Variants in TRPM3 observed in about 807,000 individuals in gnomAD.
TRPM3 encodes transient receptor potential cation channel subfamily M member 3, also known as long transient receptor potential channel 3.
TRPM3 carries 77 observed loss-of-function variants against 181.2 expected under a neutral mutation model. The observed-to-expected ratio is 0.42, with a 90% CI of 0.35 to 0.51. The LOEUF is 0.51. Among genes scored for constraint, TRPM3 ranks in the 20% least tolerant of loss-of-function variants. The pLI, the probability that TRPM3 is intolerant of heterozygous loss-of-function variation, is 0.01. For missense variants in TRPM3, 1,759 were observed against 2,196.7 expected (o/e 0.80, Z 3.98); for synonymous variants, 745 against 796.4 (o/e 0.94, Z 1.09).
intron 1 of TRPM3, among the ~76,000 whole-genome samples, chr9:71,039,275 G>A (rs537743432): frequency 6.6e-6 from 1 of 152,224 alleles, no homozygotes; most frequent in Non-Finnish European, 1.5e-5. Flanking sequence ...TTTCTCATGT[G>A]CAGAATCAAG....
intron 1 of TRPM3, among the ~76,000 whole-genome samples, chr9:71,070,079 A>G (rs1479302825): frequency 6.6e-6 from 1 of 152,204 alleles, no homozygotes; most frequent in Non-Finnish European, 1.5e-5. Context: ...ATTTCACTAG[A>G]ACAGTTGCCA....
intron 1 of TRPM3, among the ~76,000 whole-genome samples, chr9:71,029,870 G>T (rs1369239736): frequency 6.6e-6 from 1 of 152,164 alleles, no homozygotes; most frequent in Non-Finnish European, 1.5e-5. Flanking sequence ...AGGAGAATTA[G>T]GGCAATGACA....
Position 70,535,675 on chromosome 9 carries a change from C to T in TRPM3, c.*278G>A. 1 of 1,440,668 alleles carries T rather than the reference C, an allele frequency of 6.9e-7. No individual in the cohort carries two copies. 89.2% of individuals were successfully genotyped at this position (1,440,668 alleles called of 1,614,324 possible). A position where few individuals can be genotyped will look rare whatever the true frequency, so the allele number is the denominator to read the frequency against. Reference sequence around the variant, plus strand: ...TGGCTTTCTGCTGTGACTGCGGATACACATTCATCTCTAACCCTTCCTTCT... The same window carrying T: ...TGGCTTTCTGCTGTGACTGCGGATATACATTCATCTCTAACCCTTCCTTCT... On this transcript the variant is annotated 3_prime_UTR_variant, in exon 26 of 26. Coordinates refer to ENST00000677713, the MANE Select transcript of TRPM3 (RefSeq NM_001366145.2).
In TRPM3 at chr9:70,688,738, C is replaced by T. The variant is rs142782814; in HGVS notation, c.1273-7160G>A. 3.3e-5 allele frequency among the ~76,000 whole-genome samples: 5 copies of T among 152,210 alleles called. No individual in the cohort carries two copies. The East Asian group carries it at 9.7e-4, about 29-fold the overall frequency. ...CCTTGCTGAAATACCCTTCCCTCTG[C>T]TTGGTGAACAAACTAGAAGACTTTC... On this transcript the variant is annotated intron_variant, in intron 8 of 25. Coordinates refer to ENST00000677713, the MANE Select transcript of TRPM3 (RefSeq NM_001366145.2).
chr9:71,091,466 G>A (rs1401635160), intron 1 of TRPM3, among the ~76,000 whole-genome samples: 4 of 152,062 alleles, frequency 2.6e-5, no homozygotes, highest in Non-Finnish European at 4.4e-5. Context: ...TGGCTGTTTG[G>A]ATTTGCCATG....
At chr9:71,150,578 T>C (rs1476600719) in intron 1 of TRPM3, among the ~76,000 whole-genome samples, 9 of 152,086 alleles carry the variant, frequency 5.9e-5, no homozygotes, top group Non-Finnish European at 1.2e-4. Context: ...ATCAAAAGCA[T>C]AGAGAAAGAA....
intron 9 of TRPM3, among the ~76,000 whole-genome samples, chr9:70,667,651 T>G (rs1318961697): frequency 2.0e-5 from 3 of 152,176 alleles, no homozygotes; most frequent in African/African-American, 7.2e-5. Flanking sequence ...ACAATAAATC[T>G]TTTATATTTT....
At chr9:71,070,548 A>G (rs921132978) in intron 1 of TRPM3, among the ~76,000 whole-genome samples, 8 of 152,262 alleles carry the variant, frequency 5.3e-5, no homozygotes, top group South Asian at 2.1e-4. Flanking sequence ...ACACAAAATC[A>G]TAACAAGATA....
At chr9:70,759,114 A>G (rs2077612547) in intron 8 of TRPM3, among the ~76,000 whole-genome samples, 1 of 152,170 alleles carries the variant, frequency 6.6e-6, no homozygotes, top group Non-Finnish European at 1.5e-5. Flanking sequence ...GAATCTATAC[A>G]AAACTTAAAC....
chr9:71,271,872 T>C (rs1481763331), intron 1 of TRPM3, among the ~76,000 whole-genome samples: 1 of 151,760 alleles, frequency 6.6e-6, no homozygotes, highest in African/African-American at 2.4e-5. Flanking sequence ...AACTGTAGAG[T>C]GATGAGAAGA....
chr9:70,900,284 T>C (rs1267926473), intron 1 of TRPM3, among the ~76,000 whole-genome samples: 8 of 152,116 alleles, frequency 5.3e-5, no homozygotes, highest in Non-Finnish European at 1.2e-4. Flanking sequence ...GAGGTTGCAG[T>C]GAGCCAAGAT....
intron 1 of TRPM3, among the ~76,000 whole-genome samples, chr9:70,867,499 C>T (rs919930155): frequency 2.6e-5 from 4 of 151,994 alleles, no homozygotes; most frequent in East Asian, 1.9e-4. Context: ...AAAGGTGAAA[C>T]GCTACATCAT....
At chr9:71,063,030 AT>A (rs1177092709) in intron 1 of TRPM3, among the ~76,000 whole-genome samples, 1 of 152,180 alleles carries the variant, frequency 6.6e-6, no homozygotes, top group Non-Finnish European at 1.5e-5. Context: ...GCAATAAAAT[AT>A]TGATGAGACA....
intron 1 of TRPM3, among the ~76,000 whole-genome samples, chr9:71,406,642 C>A (rs2093440748): frequency 6.6e-6 from 1 of 152,104 alleles, no homozygotes; most frequent in South Asian, 2.1e-4. Context: ...TTAAGAGTGA[C>A]TAGAAATCAA....
intron 22 of TRPM3, among the ~76,000 whole-genome samples, chr9:70,559,960 A>T (rs2048666234): frequency 6.6e-6 from 1 of 152,182 alleles, no homozygotes; most frequent in South Asian, 2.1e-4. Flanking sequence ...ATTTTAAAAG[A>T]TAGCTTTAAA....
intron 8 of TRPM3, among the ~76,000 whole-genome samples, chr9:70,754,594 A>T (rs1176085782): frequency 6.6e-6 from 1 of 152,168 alleles, no homozygotes; most frequent in Non-Finnish European, 1.5e-5. Flanking sequence ...TCATGAGGCC[A>T]CAGCACCCAG....
chr9:71,308,351 ATGT>A (rs2087579861), intron 1 of TRPM3, among the ~76,000 whole-genome samples: 1 of 152,258 alleles, frequency 6.6e-6, no homozygotes, highest in Non-Finnish European at 1.5e-5. Flanking sequence ...ATTATTTGAG[ATGT>A]TGTCAGCATG....
chr9:70,883,666 T>C (rs1044344636), intron 1 of TRPM3, among the ~76,000 whole-genome samples: 1 of 152,222 alleles, frequency 6.6e-6, no homozygotes, highest in Admixed American at 6.5e-5. Flanking sequence ...TAGACTTATA[T>C]GAGCCAAAGG....
intron 1 of TRPM3, among the ~76,000 whole-genome samples, chr9:70,927,498 A>G (rs2096732078): frequency 1.3e-5 from 2 of 152,256 alleles, no homozygotes; most frequent in Admixed American, 6.5e-5. Context: ...ATGTAATTTT[A>G]TAAATTAGAA....
Sources: allele counts gnomAD v4.1 joint callset (sites outside exome capture counted in the v4.1 genomes callset), GRCh38; gene constraint gnomAD v4.1.1; transcripts MANE v1.5; gene names NCBI Gene and HGNC (gene_info 2026-07-23, HGNC 2026-07-21).